NELL1: variants seen among roughly 807,000 people sequenced by gnomAD.
NELL1 encodes the protein neural EGFL like 1.
Under a neutral mutation model 107.4 loss-of-function variants are expected in NELL1, and 76 were observed. That is an observed-to-expected ratio of 0.71 (90% CI 0.59 to 0.86). The LOEUF is 0.86. Among genes scored for constraint, NELL1 ranks in the 40% least tolerant of loss-of-function variants. The probability of loss-of-function intolerance (pLI) is 0.00; values close to 1 mark genes in which losing one functional copy is unlikely to be tolerated. For synonymous variants in NELL1, 353 were observed against 341.2 expected (o/e 1.03, Z -0.38); for missense variants, 1,024 against 1,005.5 (o/e 1.02, Z -0.25).
chr11:20,950,732 A>ATTGTCCACAGACTGG (rs1851053705), intron 11 of NELL1, among the ~76,000 whole-genome samples: 1 of 152,206 alleles, frequency 6.6e-6, no homozygotes, highest in Admixed American at 6.5e-5. Flanking sequence ...TTGTGGACTG[A>ATTGTCCACAGACTGG]TTGTCCACAG....
intron 14 of NELL1, among the ~76,000 whole-genome samples, chr11:21,243,244 C>G (rs1858408308): frequency 6.6e-6 from 1 of 152,052 alleles, no homozygotes; most frequent in Admixed American, 6.6e-5. Context: ...AGGTATACTT[C>G]TTGTAGGTAG....
At chr11:20,748,342 T>C (rs1003043089) in intron 2 of NELL1, among the ~76,000 whole-genome samples, 1 of 152,212 alleles carries the variant, frequency 6.6e-6, no homozygotes, top group African/African-American at 2.4e-5. Context: ...GCCTCTTGGG[T>C]ACATTTTAGA....
At chr11:21,394,092 T>C (rs1180681550) in intron 15 of NELL1, among the ~76,000 whole-genome samples, 1 of 151,604 alleles carries the variant, frequency 6.6e-6, no homozygotes, top group African/African-American at 2.4e-5. Flanking sequence ...ACTGAGTATA[T>C]TGCCTGTGCC....
chr11:20,891,947 A>C (rs1007238696), intron 5 of NELL1, among the ~76,000 whole-genome samples: 1 of 152,194 alleles, frequency 6.6e-6, no homozygotes, highest in African/African-American at 2.4e-5. Context: ...TCAATATTAG[A>C]CAGATCAACG....
Position 21,534,509 on chromosome 11 carries a change from G to C in NELL1, c.1781G>C (p.Cys594Ser), listed in dbSNP as rs775373420. ...ACCTATTCACTGTCCGGGGAGTCCT[G>C]TATTGGTAAGCAGCTTTCAGGCATG... Reference protein sequence around the residue: ...DGTYSLSGESCIDIDECALRT... With the variant: ...DGTYSLSGESSIDIDECALRT... Residue 594 changes from cysteine (C) to serine (S), a missense_variant, in exon 16 of 20, where the codon TGT (cysteine) becomes TCT (serine). Physicochemically the swap from Cys to Ser is moderately radical, Grantham distance 112. Coordinates refer to ENST00000357134, the MANE Select transcript of NELL1 (RefSeq NM_006157.5). The C allele has an allele frequency of 6.2e-7, 1 of 1,613,598 alleles. No homozygotes were observed. The highest frequency in any genetic ancestry group is 2.2e-5 in the East Asian group (1 of 44,850).
intron 12 of NELL1, among the ~76,000 whole-genome samples, chr11:20,965,740 G>T (rs1173550138): frequency 6.6e-6 from 1 of 152,156 alleles, no homozygotes; most frequent in Non-Finnish European, 1.5e-5. Context: ...GACTAGAGGT[G>T]GTGGTGAAGG....
At chr11:20,909,606 C>T (rs1478442858) in intron 5 of NELL1, among the ~76,000 whole-genome samples, 1 of 144,568 alleles carries the variant, frequency 6.9e-6, no homozygotes, top group Non-Finnish European at 1.6e-5. Context: ...AATGAAGTTA[C>T]TCTCTTGCTT....
intron 2 of NELL1, among the ~76,000 whole-genome samples, chr11:20,699,217 A>AAAAACAAACAAAAAAAAC (rs1433381172): frequency 6.6e-6 from 1 of 151,008 alleles, no homozygotes; most frequent in Non-Finnish European, 1.5e-5. Flanking sequence ...ACTCTGTCTC[A>AAAAACAAACAAAAAAAAC]AAAACAAACA....
rs117225433 is a variant in NELL1 at position 20,998,680 on chromosome 11, G to A, written c.1300+38120G>A. Among the ~76,000 whole-genome samples the A allele has an allele frequency of 4.3e-3, 661 of 152,280 alleles. 3 individuals carry two copies. The highest frequency in any genetic ancestry group is 7.0e-3 in the Non-Finnish European group (476 of 68,032). ...GCTTGGTCAATAATGTTGACCAGTAGGAAAACATCGGCTGTCTTCCATCTT... is the reference window on the plus strand; with the variant it reads ...GCTTGGTCAATAATGTTGACCAGTAAGAAAACATCGGCTGTCTTCCATCTT... On this transcript the variant is annotated intron_variant, in intron 12 of 19. Coordinates refer to ENST00000357134, the MANE Select transcript of NELL1 (RefSeq NM_006157.5).
chr11:21,394,453 C>CGT (rs749757914), intron 15 of NELL1, among the ~76,000 whole-genome samples: 37 of 150,726 alleles, frequency 2.5e-4, no homozygotes, highest in African/African-American at 7.3e-4. Context: ...TATATATGGC[C>CGT]GTGTGTGTGT....
At chr11:20,797,507 A>G (rs1857194702) in intron 3 of NELL1, among the ~76,000 whole-genome samples, 1 of 137,016 alleles carries the variant, frequency 7.3e-6, no homozygotes, top group Non-Finnish European at 1.5e-5. Flanking sequence ...TGGAGCTTGC[A>G]GTGAGCCGAG....
chr11:21,346,436 T>C (rs1452587217), intron 14 of NELL1, among the ~76,000 whole-genome samples: 1 of 151,482 alleles, frequency 6.6e-6, no homozygotes, highest in African/African-American at 2.4e-5. Context: ...GCCATATAAA[T>C]GGAGAGAAAG....
At chr11:21,414,239 G>A (rs1220321893) in intron 15 of NELL1, among the ~76,000 whole-genome samples, 3 of 152,032 alleles carry the variant, frequency 2.0e-5, no homozygotes, top group East Asian at 1.9e-4. Flanking sequence ...AAGAGTGGGG[G>A]AGAGGGTGGG....
At chr11:21,323,358 G>A (rs1011143156) in intron 14 of NELL1, among the ~76,000 whole-genome samples, 6 of 152,046 alleles carry the variant, frequency 3.9e-5, no homozygotes, top group African/African-American at 1.4e-4. Context: ...TTTATTGCTT[G>A]GGAAGCTAAT....
chr11:21,091,414 C>T (rs987100320), intron 12 of NELL1, among the ~76,000 whole-genome samples: 4 of 152,160 alleles, frequency 2.6e-5, no homozygotes, highest in African/African-American at 9.7e-5. Flanking sequence ...TGCATGGAAA[C>T]ATGGATAAAA....
chr11:21,255,529 GA>G lies in NELL1; in HGVS notation c.1549+26082del, dbSNP rs373064548. ...TGCATTCAGGCAAACATCTGGGGGA[GA>G]AAAAAACAACTTCAGTATAGCTCGA... On this transcript the variant is annotated intron_variant, in intron 14 of 19. Transcript: ENST00000357134. 3.5e-3 allele frequency among the ~76,000 whole-genome samples: 525 copies of G among 151,848 alleles called. 2 individuals carry two copies. Among genetic ancestry groups the G allele is most frequent in the African/African-American group, 0.012 (501 of 41,452 alleles).
Position 20,937,767 on chromosome 11 carries a change from T to C in NELL1, c.998-19T>C, listed in dbSNP as rs781489940. 1.2e-5 allele frequency: 20 copies of C among 1,610,090 alleles called. No individual in the cohort carries two copies. In the Admixed American group the frequency reaches 3.3e-4, roughly 27 times the overall value. On this transcript the variant is annotated intron_variant, in intron 9 of 19. Transcript: ENST00000357134. The stretch of plus-strand genomic sequence containing the variant: ...TGGCACAGCAGGACTGTCTGACCCA[T>C]TTTTATGTTTTATTACAGCAAAATG...
intron 3 of NELL1, among the ~76,000 whole-genome samples, chr11:20,800,923 A>C (rs1407416804): frequency 6.6e-6 from 1 of 152,190 alleles, no homozygotes; most frequent in African/African-American, 2.4e-5. Context: ...CTTGGTTGTG[A>C]TGGCTTCCAC....
intron 12 of NELL1, among the ~76,000 whole-genome samples, chr11:20,999,010 A>G (rs983415510): frequency 3.3e-5 from 5 of 152,210 alleles, no homozygotes; most frequent in Non-Finnish European, 1.5e-5. Flanking sequence ...TGAGAGTTCT[A>G]TCACACATTT....
Sources: allele counts gnomAD v4.1 joint callset (sites outside exome capture counted in the v4.1 genomes callset), GRCh38; gene constraint gnomAD v4.1.1; transcripts MANE v1.5; gene names NCBI Gene and HGNC (gene_info 2026-07-23, HGNC 2026-07-21).